Variants in UNC13C observed in about 807,000 individuals in gnomAD.
UNC13C encodes the protein protein unc-13 homolog C.
A neutral mutation model predicts 245.4 loss-of-function variants in UNC13C; 174 were observed. The ratio of observed to expected loss-of-function variants is 0.71; its 90% CI spans 0.63 to 0.80. The LOEUF is 0.80. UNC13C is among the 30% of genes least tolerant of loss of function. The pLI is 0.00. For synonymous variants in UNC13C, 992 were observed against 895.1 expected, an observed-to-expected ratio of 1.11 and a Z score of -1.93; for missense variants, 2,829 against 2,602.9, an observed-to-expected ratio of 1.09 and a Z score of -1.89.
chr15:53,849,610 A>G, the UNC13C span, among the ~76,000 whole-genome samples: 1 of 152,138 alleles, frequency 6.6e-6, no homozygotes, highest in Non-Finnish European at 1.5e-5. Flanking sequence ...TTTCCAAAAA[A>G]GCATTTTCAG....
intron 19 of UNC13C, among the ~76,000 whole-genome samples, chr15:54,453,718 A>G (rs182310222): frequency 6.6e-6 from 1 of 152,334 alleles, no homozygotes; most frequent in Admixed American, 6.5e-5. Flanking sequence ...AACAGTGTTC[A>G]CTGCCACCAG....
At chr15:54,591,570 G>T (rs1898792415) in intron 30 of UNC13C, among the ~76,000 whole-genome samples, 1 of 152,002 alleles carries the variant, frequency 6.6e-6, no homozygotes, top group Admixed American at 6.5e-5. Context: ...TCTAGTTTAT[G>T]TACATAAAGT....
chr15:54,127,996 A>G (rs1016373851), intron 2 of UNC13C, among the ~76,000 whole-genome samples: 1 of 151,914 alleles, frequency 6.6e-6, no homozygotes, highest in African/African-American at 2.4e-5. Flanking sequence ...CTCTGAAGAT[A>G]CGATTCTATA....
At chr15:53,853,073 T>C in the UNC13C span, among the ~76,000 whole-genome samples, 3 of 152,058 alleles carry the variant, frequency 2.0e-5, no homozygotes, top group African/African-American at 7.3e-5. Flanking sequence ...GTTTGTTACA[T>C]AGGTAAACTT....
chr15:54,183,503 T>C (rs2033868041), intron 4 of UNC13C, among the ~76,000 whole-genome samples: 1 of 151,940 alleles, frequency 6.6e-6, no homozygotes, highest in Admixed American at 6.6e-5. Context: ...TCACTTTTTA[T>C]TGAAATGATT....
At chr15:53,970,819 G>T in the UNC13C span, among the ~76,000 whole-genome samples, 4 of 152,152 alleles carry the variant, frequency 2.6e-5, no homozygotes, top group Non-Finnish European at 5.9e-5. Context: ...CCCACACATG[G>T]ATGCTGGAAC....
chr15:53,929,543 A>G, the UNC13C span, among the ~76,000 whole-genome samples: 36 of 151,864 alleles, frequency 2.4e-4, no homozygotes, highest in African/African-American at 8.0e-4. Context: ...AATGTTTAAC[A>G]TAGATCAGCT....
At chr15:54,457,006 G>T (rs1281016302) in intron 19 of UNC13C, among the ~76,000 whole-genome samples, 1 of 152,002 alleles carries the variant, frequency 6.6e-6, no homozygotes, top group Non-Finnish European at 1.5e-5. Context: ...TATAATGTTG[G>T]CTGTGGTTTG....
intron 4 of UNC13C, among the ~76,000 whole-genome samples, chr15:54,227,273 G>A (rs1461374347): frequency 6.6e-6 from 1 of 152,136 alleles, no homozygotes; most frequent in Non-Finnish European, 1.5e-5. Context: ...GGCGGGCCTG[G>A]AAAAAGCACC....
intron 2 of UNC13C, among the ~76,000 whole-genome samples, chr15:54,129,097 A>G (rs2031248568): frequency 1.3e-5 from 2 of 152,182 alleles, no homozygotes; most frequent in African/African-American, 4.8e-5. Context: ...AGTTTATCAT[A>G]TTTTACATAT....
intron 19 of UNC13C, among the ~76,000 whole-genome samples, chr15:54,416,290 T>A (rs1307001223): frequency 6.6e-6 from 1 of 152,178 alleles, no homozygotes; most frequent in African/African-American, 2.4e-5. Context: ...GTGTTTATCA[T>A]GCTAATGTTT....
intron 1 of UNC13C, among the ~76,000 whole-genome samples, chr15:54,002,461 A>G (rs1301249878): frequency 6.6e-6 from 1 of 152,122 alleles, no homozygotes; most frequent in Non-Finnish European, 1.5e-5. Context: ...TAATCCAAAT[A>G]AGAGACAGAG....
chr15:54,445,710 A>G (rs890461121), intron 19 of UNC13C, among the ~76,000 whole-genome samples: 1 of 152,138 alleles, frequency 6.6e-6, no homozygotes, highest in African/African-American at 2.4e-5. Context: ...TCAGATGAGT[A>G]GATTGCAAAA....
chr15:54,320,999 A>C (rs909822918), intron 13 of UNC13C: 4 of 430,048 alleles, frequency 9.3e-6, no homozygotes, highest in Non-Finnish European at 1.8e-5. Context: ...CACAGCTGCC[A>C]CCAAAGCCAC....
intron 19 of UNC13C, among the ~76,000 whole-genome samples, chr15:54,487,792 CAG>C (rs10540751): frequency 0.5 from 57,801 of 116,290 alleles, 12,411 homozygotes; most frequent in East Asian, 0.7. Flanking sequence ...AAAAAAAAGA[CAG>C]AGAGAGAGAA....
At chr15:54,553,029 A>G (rs1328726003) in intron 28 of UNC13C, among the ~76,000 whole-genome samples, 3 of 99,388 alleles carry the variant, frequency 3.0e-5, no homozygotes, top group Non-Finnish European at 5.5e-5. Flanking sequence ...CTATATTACA[A>G]TATATAATAT....
intron 19 of UNC13C, among the ~76,000 whole-genome samples, chr15:54,479,215 T>C (rs959050611): frequency 1.3e-5 from 2 of 152,100 alleles, no homozygotes; most frequent in African/African-American, 4.8e-5. Flanking sequence ...GGTCTCTCTC[T>C]CTCTTTAGCT....
intron 22 of UNC13C, among the ~76,000 whole-genome samples, chr15:54,504,313 A>G (rs1894368599): frequency 6.6e-6 from 1 of 152,168 alleles, no homozygotes; most frequent in African/African-American, 2.4e-5. Context: ...ACATAATTCT[A>G]ATTTTTAACA....
At chr15:54,608,096 G>A (rs1336565056) in intron 30 of UNC13C, among the ~76,000 whole-genome samples, 1 of 151,798 alleles carries the variant, frequency 6.6e-6, no homozygotes, top group African/African-American at 2.4e-5. Flanking sequence ...GGATAAGTCA[G>A]AAAACTGAAA....
Sources: allele counts gnomAD v4.1 joint callset (sites outside exome capture counted in the v4.1 genomes callset), GRCh38; gene constraint gnomAD v4.1.1; transcripts MANE v1.5; gene names NCBI Gene and HGNC (gene_info 2026-07-23, HGNC 2026-07-21).